The following ATL2 variants were observed in gnomAD, a reference collection of about 807,000 sequenced individuals.
The protein encoded by ATL2 is atlastin GTPase 2.
A neutral mutation model predicts 73.9 loss-of-function variants in ATL2; 31 were observed. That is an observed-to-expected ratio of 0.42 (90% CI 0.32 to 0.57). ATL2 has a LOEUF of 0.57. ATL2 is among the 20% of genes least tolerant of loss of function. The pLI is 0.14. For missense variants in ATL2, 738 were observed against 702.6 expected, an observed-to-expected ratio of 1.05 and a Z score of -0.57; for synonymous variants, 291 against 237.5, an observed-to-expected ratio of 1.23 and a Z score of -2.07.
In ATL2 at chr2:38,298,161, C is replaced by A. The variant is rs1374804303; in HGVS notation, c.1615G>T (p.Glu539Ter). 6.2e-7 allele frequency: 1 copy of A among 1,612,534 alleles called. No homozygotes were observed. Among genetic ancestry groups the A allele is most frequent in the Non-Finnish European group, 8.5e-7 (1 of 1,179,112 alleles). The change falls in exon 12 of 13, where the codon GAA becomes TAA. Residue 539 changes from glutamate (E) to a stop codon, truncating the protein, a stop_gained. Transcript: ENST00000378954. LOFTEE classifies it high-confidence loss of function. ...EIGTVIDQIA[E>*]TLWEQVLKPL... ...ATACCAACCTGTTCCCATAGTGTTT[C>A]AGCAATCTGATCAATCACTGTTCCA... is the stretch of plus-strand genomic sequence containing the variant.
intron 8 of ATL2, 66 bp from the exon 9 acceptor site, chr2:38,309,572 C>T: frequency 2.0e-6 from 3 of 1,478,004 alleles, no homozygotes; most frequent in Non-Finnish European, 2.7e-6. Flanking sequence ...GGTACGATTT[C>T]ATAAAATTCT....
chr2:38,330,779 T>A (rs955396685), intron 2 of ATL2, among the ~76,000 whole-genome samples: 1 of 152,254 alleles, frequency 6.6e-6, no homozygotes, highest in African/African-American at 2.4e-5. Flanking sequence ...AGACTTAATA[T>A]TGTTAACACA....
At chr2:38,372,908 A>T (rs1671765551) in intron 1 of ATL2, among the ~76,000 whole-genome samples, 1 of 152,208 alleles carries the variant, frequency 6.6e-6, no homozygotes, top group African/African-American at 2.4e-5. Flanking sequence ...CCCTTGCCCA[A>T]ACTAAATCTC....
intron 2 of ATL2, among the ~76,000 whole-genome samples, chr2:38,331,526 C>T (rs1407877523): frequency 6.7e-6 from 1 of 148,862 alleles, no homozygotes; most frequent in Non-Finnish European, 1.5e-5. Flanking sequence ...AGGAGAACTG[C>T]TTCAACCCAG....
chr2:38,373,906 G>C (rs1353540759), intron 1 of ATL2, among the ~76,000 whole-genome samples: 1 of 151,852 alleles, frequency 6.6e-6, no homozygotes, highest in Non-Finnish European at 1.5e-5. Flanking sequence ...CCTTTTTATG[G>C]GGGAGACAGA....
At chr2:38,317,838 A>G (rs1443105128) in intron 4 of ATL2, among the ~76,000 whole-genome samples, 1 of 152,222 alleles carries the variant, frequency 6.6e-6, no homozygotes, top group Non-Finnish European at 1.5e-5. Context: ...TGAAAAACTA[A>G]AGAGACTGGT....
chr2:38,337,198 G>A (rs1669407759), intron 2 of ATL2, among the ~76,000 whole-genome samples: 1 of 151,806 alleles, frequency 6.6e-6, no homozygotes, highest in African/African-American at 2.4e-5. Flanking sequence ...AAAAGCAGTT[G>A]AGGTGGCCAG....
intron 8 of ATL2, 56 bp from the exon 9 acceptor site, chr2:38,309,562 G>A (rs1227481435): frequency 2.6e-6 from 4 of 1,513,582 alleles, no homozygotes; most frequent in Admixed American, 2.1e-5. Flanking sequence ...GGTCCCCACT[G>A]GTACGATTTC....
At chr2:38,308,967 A>C (rs1250769574) in intron 9 of ATL2, among the ~76,000 whole-genome samples, 1 of 151,886 alleles carries the variant, frequency 6.6e-6, no homozygotes, top group Non-Finnish European at 1.5e-5. Flanking sequence ...AGAGTACTTT[A>C]CTTGAACCAA....
intron 4 of ATL2, among the ~76,000 whole-genome samples, 185 bp from the exon 5 acceptor site, chr2:38,315,519 G>A (rs764634573): frequency 2.6e-5 from 4 of 152,036 alleles, no homozygotes; most frequent in Non-Finnish European, 5.9e-5. Flanking sequence ...AGTCAAGATA[G>A]AATATTAAGG....
chr2:38,342,858 G>C, intron 2 of ATL2, among the ~76,000 whole-genome samples: 1 of 151,258 alleles, frequency 6.6e-6, no homozygotes, highest in East Asian at 1.9e-4. Flanking sequence ...GAAGAATCAA[G>C]AGCTCAAACT....
chr2:38,334,028 C>CTTTTTTTTTT (rs34303299), intron 2 of ATL2, among the ~76,000 whole-genome samples: 3 of 121,654 alleles, frequency 2.5e-5, no homozygotes, highest in African/African-American at 1.0e-4. Flanking sequence ...ATCCAATCCT[C>CTTTTTTTTTT]TTTTTTTTTT....
intron 1 of ATL2, among the ~76,000 whole-genome samples, chr2:38,365,174 CACACACACACACACAAAT>C (rs1671249524): frequency 1.4e-5 from 2 of 137,986 alleles, no homozygotes; most frequent in African/African-American, 7.0e-5. Flanking sequence ...CAAATACACA[CACACACACACACACAAAT>C]ACACACACAC....
At chr2:38,301,260 G>A (rs114467550) in intron 9 of ATL2, among the ~76,000 whole-genome samples, 2,757 of 152,260 alleles carry the variant, frequency 0.018, 82 homozygotes, top group African/African-American at 0.064. Context: ...ATAAGCCACC[G>A]TGCCTGGCTC....
intron 1 of ATL2, among the ~76,000 whole-genome samples, chr2:38,353,299 A>T (rs1199604861): frequency 6.6e-6 from 1 of 152,198 alleles, no homozygotes; most frequent in Non-Finnish European, 1.5e-5. Flanking sequence ...ACTGACAAGT[A>T]CAGTAATTAA....
At chr2:38,314,155 C>G (rs1667901968) in intron 6 of ATL2, among the ~76,000 whole-genome samples, 1 of 152,154 alleles carries the variant, frequency 6.6e-6, no homozygotes, top group Non-Finnish European at 1.5e-5. Flanking sequence ...TTAATGGCAA[C>G]TTACAAATTA....
chr2:38,358,874 C>A (rs1159729872), intron 1 of ATL2, among the ~76,000 whole-genome samples: 2 of 152,022 alleles, frequency 1.3e-5, no homozygotes, highest in Admixed American at 6.6e-5. Context: ...ATTACAAGTA[C>A]TGACAAAGAC....
intron 1 of ATL2, among the ~76,000 whole-genome samples, chr2:38,352,682 T>G (rs963685265): frequency 1.3e-5 from 2 of 152,130 alleles, no homozygotes; most frequent in African/African-American, 4.8e-5. Flanking sequence ...CTGAGACACT[T>G]TGGAGTTCTG....
chr2:38,331,612 C>CAAAA (rs35381890), intron 2 of ATL2, among the ~76,000 whole-genome samples: 1 of 92,148 alleles, frequency 1.1e-5, no homozygotes, highest in Admixed American at 1.3e-4. Context: ...GACTCCATCT[C>CAAAA]AAAAAAAAAA....
Sources: allele counts gnomAD v4.1 joint callset (sites outside exome capture counted in the v4.1 genomes callset), GRCh38; gene constraint gnomAD v4.1.1; transcripts MANE v1.5; gene names NCBI Gene and HGNC (gene_info 2026-07-23, HGNC 2026-07-21).